Variants in PKHD1L1 observed in about 807,000 individuals in gnomAD.
PKHD1L1 encodes fibrocystin-L.
Under a neutral mutation model 462.9 loss-of-function variants are expected in PKHD1L1, and 434 were observed. The observed-to-expected ratio is 0.94, with a 90% CI of 0.87 to 1.02. The LOEUF is 1.02. Among genes scored for constraint, PKHD1L1 ranks in the 50% least tolerant of loss-of-function variants. PKHD1L1 has a pLI of 0.00. For synonymous variants in PKHD1L1, 1,781 were observed against 1,750.0 expected, an observed-to-expected ratio of 1.02 and a Z score of -0.44; for missense variants, 5,202 against 5,096.1, an observed-to-expected ratio of 1.02 and a Z score of -0.63.
chr8:109,529,457 T>G lies in PKHD1L1; in HGVS notation c.12722-623T>G, dbSNP rs148458136. ...TATTTTTTTCTCAGAAGCATTAAAA[T>G]ATAAGGTCTAATTGGCTAAATATTG... On this transcript the variant is annotated intron_variant, in intron 77 of 77. Transcript: ENST00000378402. Among the ~76,000 whole-genome samples, 386 of 152,298 alleles carry G rather than the reference T, an allele frequency of 2.5e-3. 5 individuals are homozygous for G. The highest frequency in any genetic ancestry group is 0.019 in the Admixed American group (290 of 15,294).
intron 51 of PKHD1L1, 48 bp from the exon 52 acceptor site, chr8:109,476,460 A>G: frequency 8.2e-7 from 1 of 1,216,716 alleles, no homozygotes; most frequent in Non-Finnish European, 1.1e-6. Flanking sequence ...AATGTGTTAT[A>G]CGAAGAATAT....
At chr8:109,477,196 C>A in intron 52 of PKHD1L1, 29 bp from the exon 53 acceptor site, 1 of 1,610,852 alleles carries the variant, frequency 6.2e-7, no homozygotes, top group South Asian at 1.1e-5. Context: ...TCACTATGTT[C>A]ATTTAACCCA....
intron 9 of PKHD1L1, among the ~76,000 whole-genome samples, chr8:109,391,291 A>G (rs1490116241): frequency 6.6e-6 from 1 of 152,206 alleles, no homozygotes; most frequent in Non-Finnish European, 1.5e-5. Context: ...AAGCAGCATT[A>G]GTGTGCAAAC....
At chr8:109,393,216 A>T (rs554314464) in intron 9 of PKHD1L1, among the ~76,000 whole-genome samples, 1 of 152,168 alleles carries the variant, frequency 6.6e-6, no homozygotes, top group East Asian at 1.9e-4. Context: ...GAGACTCTTT[A>T]GTCTTGCAAA....
chr8:109,530,102 G>A lies in PKHD1L1; in HGVS notation c.*12G>A, dbSNP rs565933122. 8.6e-5 allele frequency: 116 copies of A among 1,347,652 alleles called. No individual in the cohort carries two copies. The African/African-American group carries it at 9.8e-4, about 11-fold the overall frequency. 83.5% of individuals were successfully genotyped at this position (1,347,652 alleles called of 1,614,324 possible). ...CAGGAAGCTACTAAAGTGCTGTTCCGAAGAATAGGCTGAAACAAAAATATA... is the reference window on the plus strand; with the variant it reads ...CAGGAAGCTACTAAAGTGCTGTTCCAAAGAATAGGCTGAAACAAAAATATA... On this transcript the variant is annotated 3_prime_UTR_variant, in exon 78 of 78. Coordinates refer to ENST00000378402, the MANE Select transcript of PKHD1L1 (RefSeq NM_177531.6).
rs757804744 is a variant in PKHD1L1 at position 109,448,174 on chromosome 8, A to G, written c.5808A>G (p.Gly1936=). The G allele has an allele frequency of 1.9e-6, 3 of 1,609,284 alleles. No homozygotes were observed. Among genetic ancestry groups the G allele is most frequent in the Non-Finnish European group, 1.7e-6 (2 of 1,177,760 alleles). Residue 1936 remains glycine (G), a synonymous_variant, in exon 39 of 78, where the codon GGA becomes GGG. Transcript: ENST00000378402. ...GPPGTEIEIT[G]SNFGFEILEI... is the part of the protein sequence containing the mutation. ...CAGGAACTGAAATTGAGATCACTGG[A>G]TCCAACTTTGGCTTTGAGATCTTGG...
chr8:109,490,692 G>A (rs1818780998), intron 60 of PKHD1L1, among the ~76,000 whole-genome samples: 1 of 151,268 alleles, frequency 6.6e-6, no homozygotes, highest in African/African-American at 2.4e-5. Flanking sequence ...AGTGATAATA[G>A]GAATATAAAT....
chr8:109,387,336 A>C (rs926786058), intron 6 of PKHD1L1, among the ~76,000 whole-genome samples: 2 of 152,164 alleles, frequency 1.3e-5, no homozygotes, highest in Non-Finnish European at 2.9e-5. Flanking sequence ...TTAAAGACCA[A>C]ATAGGGTGGT....
chr8:109,390,556 G>A (rs1586414574), intron 9 of PKHD1L1, 62 bp downstream of exon 9: 2 of 980,620 alleles, frequency 2.0e-6, no homozygotes, highest in Non-Finnish European at 2.9e-6. Context: ...AAGATAAAAT[G>A]TATATTTAGT....
In PKHD1L1 at chr8:109,466,810, A is replaced by G. The variant is rs370374904; in HGVS notation, c.8605+41A>G. 14 of 1,514,106 alleles carry G rather than the reference A, an allele frequency of 9.2e-6. No homozygotes were observed. In the East Asian group the frequency reaches 1.7e-4, roughly 18 times the overall value. The allele number at this position is 1,514,106 out of a possible 1,614,324, so 93.8% of individuals were successfully genotyped here. On this transcript the variant is annotated intron_variant, in intron 50 of 77. Coordinates refer to ENST00000378402, the MANE Select transcript of PKHD1L1 (RefSeq NM_177531.6). ...TAGTTTAAACAACTAATTTAAATAT[A>G]TCTTCCTAAACTTTTGTCATCATCT... is the stretch of plus-strand genomic sequence containing the variant.
chr8:109,497,012 C>G lies in PKHD1L1; in HGVS notation c.10421C>G (p.Ser3474Cys). 1.2e-6 allele frequency: 2 copies of G among 1,613,582 alleles called. No homozygotes were observed. Among genetic ancestry groups the G allele is most frequent in the Admixed American group, 1.7e-5 (1 of 60,020 alleles). Residue 3474 changes from serine (S) to cysteine (C), a missense_variant, in exon 64 of 78, where the codon TCT (serine) becomes TGT (cysteine). Around this residue, in one of 3 missense-constraint regions of PKHD1L1, gnomAD observed 4,497 missense variants for 4,336.8 expected, o/e 1.04. Transcript: ENST00000378402. ...AACCAAGATGGCCTTCCTGGATGTT[C>G]TCTTATACAAGGATTTACCATTTGG... ...YMNQDGLPGC[S>C]LIQGFTIWTC...
rs56254474 is a variant in PKHD1L1 at position 109,448,126 on chromosome 8, C to CTT, written c.5777-5_5777-4dup. The CTT allele has an allele frequency of 1.0e-4, 142 of 1,411,664 alleles. No homozygotes were observed. The highest frequency in any genetic ancestry group is 3.0e-4 in the South Asian group (23 of 77,486). 87.4% of individuals were successfully genotyped at this position (1,411,664 alleles called of 1,614,324 possible). ...TAGTTAGATATATTTATATTGTGTG[C>CTT]TTTTTTTTTTTTTAAGGTCCACCAG... On this transcript the variant is annotated splice_polypyrimidine_tract_variant and intron_variant, in intron 38 of 77. Transcript: ENST00000378402.
Position 109,445,322 on chromosome 8 carries a change from G to A in PKHD1L1, c.5453G>A (p.Ser1818Asn), listed in dbSNP as rs761723934. Reference protein sequence around the residue: ...GHHSVSVVVGSKGLALGNLTV... With the variant: ...GHHSVSVVVGNKGLALGNLTV... ...CATTCTGTTAGTGTTGTGGTGGGAA[G>A]TAAAGGCTTGGCTCTGGGAAACCTG... The change falls in exon 38 of 78, where the codon AGT becomes AAT. Residue 1818 changes from serine to asparagine, a missense_variant. Coordinates refer to ENST00000378402, the MANE Select transcript of PKHD1L1 (RefSeq NM_177531.6). 5 of 1,613,972 alleles carry A rather than the reference G, an allele frequency of 3.1e-6. No individual in the cohort carries two copies. The highest frequency in any genetic ancestry group is 4.2e-6 in the Non-Finnish European group (5 of 1,179,888).
chr8:109,420,713 AT>A lies in PKHD1L1; in HGVS notation c.2697+28del, dbSNP rs143428807. On this transcript the variant is annotated intron_variant, in intron 23 of 77. Transcript: ENST00000378402. ...CAGGTAAGCCTAGAATTTTGCATTA[AT>A]TTTTATGTAGTGAATTTTATTTTTA... 3,614 of 1,473,242 alleles carry A rather than the reference AT, an allele frequency of 2.5e-3. 80 individuals are homozygous for A. In the African/African-American group the frequency reaches 0.048, roughly 20 times the overall value. The allele number at this position is 1,473,242 out of a possible 1,614,324, so 91.3% of individuals were successfully genotyped here.
intron 11 of PKHD1L1, 57 bp from the exon 12 acceptor site, chr8:109,398,402 T>A (rs1813084038): frequency 9.3e-7 from 1 of 1,078,884 alleles, no homozygotes; most frequent in Non-Finnish European, 1.4e-6. Context: ...GATACACTGA[T>A]GTGATTTGCA....
intron 62 of PKHD1L1, among the ~76,000 whole-genome samples, chr8:109,492,962 C>G (rs1433912976): frequency 1.3e-5 from 2 of 151,642 alleles, no homozygotes; most frequent in African/African-American, 2.4e-5. Flanking sequence ...ATTATATAAA[C>G]TAGTCAATGT....
At chr8:109,396,219 T>C in intron 11 of PKHD1L1, 82 bp downstream of exon 11, 2 of 1,012,440 alleles carry the variant, frequency 2.0e-6, no homozygotes, top group Non-Finnish European at 1.5e-6. Context: ...ATAATAATAG[T>C]CTTTTCTCAA....
rs770621644 is a variant in PKHD1L1, at chr8:109,433,135, A to G, written c.3259A>G (p.Ile1087Val). The G allele has an allele frequency of 2.5e-6, 4 of 1,613,460 alleles. No individual in the cohort carries two copies. The South Asian group carries it at 3.3e-5, about 13-fold the overall frequency. Reference sequence around the variant, plus strand: ...CTATGAAGAAGGCACAATTCTAACCATAGTGGGTTCTGGATTTTCTCCTAG... The same window carrying G: ...CTATGAAGAAGGCACAATTCTAACCGTAGTGGGTTCTGGATTTTCTCCTAG... ...GSYEEGTILTIVGSGFSPSSA... is the reference protein window; with the variant it reads ...GSYEEGTILTVVGSGFSPSSA... Residue 1087 changes from isoleucine (I) to valine (V), a missense_variant, in exon 28 of 78, where the codon ATA becomes GTA. Coordinates refer to ENST00000378402, the MANE Select transcript of PKHD1L1 (RefSeq NM_177531.6).
At chr8:109,399,459 A>C (rs1164331204) in intron 12 of PKHD1L1, among the ~76,000 whole-genome samples, 1 of 152,116 alleles carries the variant, frequency 6.6e-6, no homozygotes, top group East Asian at 1.9e-4. Context: ...TTAGGAAAAA[A>C]TTTAATCACA....
Sources: allele counts gnomAD v4.1 joint callset (sites outside exome capture counted in the v4.1 genomes callset), GRCh38; gene constraint gnomAD v4.1.1; regional missense constraint gnomAD v4.1.1; transcripts MANE v1.5; gene names NCBI Gene and HGNC (gene_info 2026-07-23, HGNC 2026-07-21).